The following SNX5 variants were observed in gnomAD, a reference collection of about 807,000 sequenced individuals.
SNX5 encodes the protein sorting nexin 5, also known as sorting nexin-5.
SNX5 carries 31 observed loss-of-function variants against 53.9 expected under a neutral mutation model. The ratio of observed to expected loss-of-function variants is 0.58; its 90% CI spans 0.43 to 0.78. SNX5 has a LOEUF of 0.78. Among genes scored for constraint, SNX5 ranks in the 30% least tolerant of loss-of-function variants. The pLI, the probability that SNX5 is intolerant of heterozygous loss-of-function variation, is 0.00. For missense variants in SNX5, 471 were observed against 478.8 expected (o/e 0.98, Z 0.15); for synonymous variants, 168 against 171.1 (o/e 0.98, Z 0.14).
rs1445489293 is a variant in SNX5, at chr20:17,941,708, T to C, written c.*649A>G. 1.3e-5 allele frequency: 2 copies of C among 152,338 alleles called. No individual in the cohort carries two copies. The highest frequency in any genetic ancestry group is 2.9e-5 in the Non-Finnish European group (2 of 68,166). 9.4% of individuals were successfully genotyped at this position (152,338 alleles called of 1,614,324 possible). ...GGCCATTAGGGAGGGGGCTTATACT[T>C]TTCCTAATGTAGATCTGGCCATCTT... is the stretch of plus-strand genomic sequence containing the variant. On this transcript the variant is annotated 3_prime_UTR_variant, in exon 13 of 13. Transcript: ENST00000377759.
chr20:17,962,482 C>T (rs6132013), intron 1 of SNX5, among the ~76,000 whole-genome samples: 11 of 152,020 alleles, frequency 7.2e-5, no homozygotes, highest in Admixed American at 7.2e-4. Flanking sequence ...GGATTATAGG[C>T]GTGAGCCACC....
At position 17,950,351 on chromosome 20, in the gene SNX5, A is replaced by G; in HGVS notation, c.655T>C (p.Tyr219His). Residue 219 changes from tyrosine to histidine, a missense_variant, in exon 7 of 13, where the codon TAT becomes CAT. Tyr to His is a moderately conservative substitution (Grantham distance 83). Transcript: ENST00000377759. ...CAAGAATCTTTGATCCTATTGTAAT[A>G]GTTAATAAGGAAGTTCTTCTCTTGC... ...FEQEKNFLIN[Y>H]YNRIKDSCVK... The G allele has an allele frequency of 6.2e-7, 1 of 1,613,510 alleles. No individual in the cohort carries two copies. The highest frequency in any genetic ancestry group is 8.5e-7 in the Non-Finnish European group (1 of 1,179,440).
chr20:17,949,214 CT>C, intron 8 of SNX5, 111 bp from the exon 9 acceptor site: 1 of 850,762 alleles, frequency 1.2e-6, no homozygotes, highest in Non-Finnish European at 1.9e-6. Flanking sequence ...GCCTTTGGTA[CT>C]TTAGCATTAA....
chr20:17,946,265 A>C (rs2039486348), intron 11 of SNX5, among the ~76,000 whole-genome samples: 1 of 152,234 alleles, frequency 6.6e-6, no homozygotes, highest in Non-Finnish European at 1.5e-5. Flanking sequence ...AGCTCAGTCC[A>C]CTGAAGGGCA....
Position 17,950,304 on chromosome 20 carries a change from G to A in SNX5, c.702C>T (p.Thr234=), listed in dbSNP as rs773948183. 7 of 1,611,598 alleles carry A rather than the reference G, an allele frequency of 4.3e-6. No homozygotes were observed. Among genetic ancestry groups the A allele is most frequent in the South Asian group, 3.3e-5 (3 of 91,010 alleles). ...AATGATATTTACTTTTATGAGATCT[G>A]GTCATTTTGTCAGCTTTCACACAAG... ...KDSCVKADKM[T]RSHKNVADDY... is the part of the protein sequence containing the mutation. Residue 234 remains threonine, a synonymous_variant, in exon 7 of 13, where the codon ACC becomes ACT. Coordinates refer to ENST00000377759, the MANE Select transcript of SNX5 (RefSeq NM_014426.4).
Position 17,955,416 on chromosome 20 carries a change from A to G in SNX5, c.216T>C (p.Phe72=). 2.5e-6 allele frequency: 4 copies of G among 1,614,136 alleles called. No homozygotes were observed. The highest frequency in any genetic ancestry group is 2.2e-5 in the South Asian group (2 of 91,084). Residue 72 remains phenylalanine (F), a synonymous_variant, in exon 3 of 13, where the codon TTT becomes TTC. Transcript: ENST00000377759. ...CAATAAGAGTGTCATGTAGCCACACAAAGTCTTCATGTTGCCTTGTAACAG... is the reference window on the plus strand; with the variant it reads ...CAATAAGAGTGTCATGTAGCCACACGAAGTCTTCATGTTGCCTTGTAACAG... ...EFSVTRQHED[F]VWLHDTLIET...
intron 11 of SNX5, chr20:17,943,445 C>T: frequency 2.2e-6 from 1 of 445,852 alleles, no homozygotes; most frequent in Non-Finnish European, 4.1e-6. Flanking sequence ...AGAGCAGCAG[C>T]TTATGACTTG....
At position 17,956,486 on chromosome 20, in the gene SNX5, T is replaced by C. The variant is rs555757345; in HGVS notation, c.156+447A>G. Among the ~76,000 whole-genome samples the C allele has an allele frequency of 9.0e-4, 137 of 152,036 alleles. 1 individual carries two copies. Among genetic ancestry groups the C allele is most frequent in the Admixed American group, 5.6e-3 (86 of 15,294 alleles). On this transcript the variant is annotated intron_variant, in intron 2 of 12. Transcript: ENST00000377759. ...GCTCACGCCTTGAATCCCAGCACTT[T>C]GGGAAGCTGAGGCACGTGCATCACC...
chr20:17,942,086 G>T lies in SNX5; in HGVS notation c.*271C>A. ...CTAATGTGTCCTACACCCTTTCTTA[G>T]TAACTAAAGACGAACTACGGGAGAA... On this transcript the variant is annotated 3_prime_UTR_variant, in exon 13 of 13. Coordinates refer to ENST00000377759, the MANE Select transcript of SNX5 (RefSeq NM_014426.4). The T allele has an allele frequency of 2.5e-6, 1 of 393,058 alleles. No homozygotes were observed. The highest frequency in any genetic ancestry group is 2.4e-5 in the South Asian group (1 of 41,508). The allele number at this position is 393,058 out of a possible 1,614,324, so 24.3% of individuals were successfully genotyped here. A position where few individuals can be genotyped will look rare whatever the true frequency, so the allele number is the denominator to read the frequency against.
At chr20:17,963,951 T>C (rs1287420277) in intron 1 of SNX5, among the ~76,000 whole-genome samples, 1 of 152,130 alleles carries the variant, frequency 6.6e-6, no homozygotes, top group Non-Finnish European at 1.5e-5. Context: ...ATCATTCAGA[T>C]GTAAATATTC....
chr20:17,961,649 A>G (rs2035452350), intron 1 of SNX5: 1 of 984,572 alleles, frequency 1.0e-6, no homozygotes. Flanking sequence ...ATGACTTCCT[A>G]GTTTCCATTC....
intron 11 of SNX5, chr20:17,945,137 T>C (rs2039469986): frequency 6.6e-6 from 1 of 152,222 alleles, no homozygotes; most frequent in Non-Finnish European, 1.5e-5. Context: ...TTCATAGTGA[T>C]ATGTCAAGTC....
At position 17,952,005 on chromosome 20, in the gene SNX5, C is replaced by T. The variant is rs532398307; in HGVS notation, c.514-410G>A. 4.3e-4 allele frequency among the ~76,000 whole-genome samples: 65 copies of T among 152,290 alleles called. 2 individuals carry two copies. In the South Asian group the frequency reaches 0.012, roughly 29 times the overall value. The stretch of plus-strand genomic sequence containing the variant: ...TTGGGAGGCCAAGGCGGGCGGATCA[C>T]GAGGTCAGGAGATCGAGACCATCTT... On this transcript the variant is annotated intron_variant, in intron 5 of 12. Transcript: ENST00000377759.
chr20:17,956,192 T>A (rs562921131), intron 2 of SNX5, among the ~76,000 whole-genome samples: 1 of 152,320 alleles, frequency 6.6e-6, no homozygotes, highest in South Asian at 2.1e-4. Flanking sequence ...CTAAAAATTG[T>A]CCCTGGCTTC....
At chr20:17,958,709 T>C (rs149487666) in intron 1 of SNX5, among the ~76,000 whole-genome samples, 1 of 152,348 alleles carries the variant, frequency 6.6e-6, no homozygotes, top group East Asian at 1.9e-4. Flanking sequence ...CAAACAAAGA[T>C]AAAGCTTCAA....
chr20:17,966,211 C>T (rs143269949), intron 1 of SNX5, among the ~76,000 whole-genome samples: 128 of 152,164 alleles, frequency 8.4e-4, no homozygotes, highest in African/African-American at 3.0e-3. Context: ...CATGGTGAAA[C>T]CCGGTCTCCA....
intron 1 of SNX5, among the ~76,000 whole-genome samples, chr20:17,964,497 AG>A (rs1311820920): frequency 6.6e-6 from 1 of 152,202 alleles, no homozygotes; most frequent in Admixed American, 6.5e-5. Flanking sequence ...CAGCATGTGA[AG>A]GTGTGAAGAT....
At chr20:17,966,370 GCGAGA>G (rs1465243591) in intron 1 of SNX5, among the ~76,000 whole-genome samples, 1 of 146,494 alleles carries the variant, frequency 6.8e-6, no homozygotes, top group East Asian at 2.1e-4. Flanking sequence ...GGACGACAGA[GCGAGA>G]CTCCGTCTCA....
intron 1 of SNX5, among the ~76,000 whole-genome samples, chr20:17,966,383 T>C (rs1301826009): frequency 1.6e-5 from 2 of 122,680 alleles, no homozygotes; most frequent in African/African-American, 6.6e-5. Context: ...AGACTCCGTC[T>C]CAAAAAAAAA....
Sources: gnomAD v4.1 joint callset for allele counts (sites outside exome capture counted in the v4.1 genomes callset) on GRCh38, gnomAD v4.1.1 for gene constraint, MANE v1.5 for transcripts, NCBI Gene and HGNC (gene_info 2026-07-23, HGNC 2026-07-21) for gene names.